FGF14: variants seen among roughly 807,000 people sequenced by gnomAD.
FGF14 encodes fibroblast growth factor 14.
FGF14 carries 5 observed loss-of-function variants against 25.5 expected under a neutral mutation model. The ratio of observed to expected loss-of-function variants is 0.20; its 90% confidence interval spans 0.10 to 0.41. The LOEUF is 0.41. Among genes scored for constraint, FGF14 ranks in the 10% least tolerant of loss-of-function variants. FGF14 has a pLI of 1.00. For missense variants in FGF14, 222 were observed against 320.1 expected (o/e 0.69, Z 2.34); for synonymous variants, 138 against 118.3 (o/e 1.17, Z -1.08).
chr13:102,255,704 A>G (rs2052404388), intron 1 of FGF14, among the ~76,000 whole-genome samples: 1 of 152,222 alleles, frequency 6.6e-6, no homozygotes, highest in South Asian at 2.1e-4. Context: ...AGATGAAGAA[A>G]AACAGCCTTT....
At chr13:102,051,081 A>G (rs1197490883) in intron 1 of FGF14, among the ~76,000 whole-genome samples, 2 of 152,206 alleles carry the variant, frequency 1.3e-5, no homozygotes, top group Admixed American at 6.5e-5. Flanking sequence ...AAGTGCCCAC[A>G]TTACAGGCCC....
At chr13:102,103,521 C>T (rs1323599014) in intron 1 of FGF14, among the ~76,000 whole-genome samples, 1 of 151,718 alleles carries the variant, frequency 6.6e-6, no homozygotes, top group African/African-American at 2.4e-5. Context: ...AATTATATTC[C>T]TATTCTTTTC....
chr13:101,979,994 G>T (rs1251535670), intron 1 of FGF14, among the ~76,000 whole-genome samples: 1 of 152,168 alleles, frequency 6.6e-6, no homozygotes, highest in Non-Finnish European at 1.5e-5. Context: ...CCCACTCTCA[G>T]CAGTGAGGCA....
At chr13:102,250,046 A>T (rs1394611594) in intron 1 of FGF14, among the ~76,000 whole-genome samples, 1 of 152,190 alleles carries the variant, frequency 6.6e-6, no homozygotes, top group Non-Finnish European at 1.5e-5. Flanking sequence ...GACCACCCCC[A>T]GGGTAAAAAG....
At chr13:102,379,564 C>T (rs2058131644) in intron 1 of FGF14, among the ~76,000 whole-genome samples, 3 of 151,312 alleles carry the variant, frequency 2.0e-5, no homozygotes, top group South Asian at 2.1e-4. Context: ...ATCCAATATG[C>T]AAAGAGAGAA....
chr13:101,949,304 C>A (rs2036009187), intron 1 of FGF14, among the ~76,000 whole-genome samples: 1 of 152,142 alleles, frequency 6.6e-6, no homozygotes, highest in Admixed American at 6.5e-5. Context: ...CTAATGCGAT[C>A]ACTGCCCAGT....
chr13:101,744,857 T>C (rs1268549012), intron 3 of FGF14, among the ~76,000 whole-genome samples: 1 of 152,078 alleles, frequency 6.6e-6, no homozygotes, highest in Non-Finnish European at 1.5e-5. Context: ...TGCTAGACTC[T>C]CTTCTAGGTG....
chr13:101,772,153 A>G (rs2038817907), intron 3 of FGF14, among the ~76,000 whole-genome samples: 1 of 152,054 alleles, frequency 6.6e-6, no homozygotes, highest in Admixed American at 6.6e-5. Context: ...ACATTATGTG[A>G]CAATGAAGCA....
chr13:102,183,333 A>C (rs552921409), intron 1 of FGF14, among the ~76,000 whole-genome samples: 1 of 152,294 alleles, frequency 6.6e-6, no homozygotes, highest in African/African-American at 2.4e-5. Context: ...TCTTAATCAC[A>C]ACACTTGCAG....
intron 3 of FGF14, among the ~76,000 whole-genome samples, chr13:101,794,493 C>T (rs8000523): frequency 1.3e-5 from 2 of 151,982 alleles, no homozygotes; most frequent in Admixed American, 6.6e-5. Flanking sequence ...AGGGCCAAAT[C>T]GCAAGCATTT....
chr13:102,127,479 T>C (rs568009802), intron 1 of FGF14, among the ~76,000 whole-genome samples: 1 of 150,166 alleles, frequency 6.7e-6, no homozygotes, highest in African/African-American at 2.4e-5. Flanking sequence ...TCAAAGCCCA[T>C]GATGTTAACT....
At chr13:102,073,239 A>G (rs1227581968) in intron 1 of FGF14, among the ~76,000 whole-genome samples, 1 of 152,200 alleles carries the variant, frequency 6.6e-6, no homozygotes, top group East Asian at 1.9e-4. Flanking sequence ...GTGACAGAGC[A>G]AAGCTCCATC....
intron 1 of FGF14, among the ~76,000 whole-genome samples, chr13:102,157,020 A>C (rs1350258260): frequency 2.6e-5 from 4 of 152,214 alleles, no homozygotes; most frequent in Non-Finnish European, 5.9e-5. Context: ...ACACAAACAA[A>C]TGGAAGAACA....
At chr13:101,743,941 CAT>C (rs1049156712) in intron 3 of FGF14, among the ~76,000 whole-genome samples, 29 of 152,154 alleles carry the variant, frequency 1.9e-4, no homozygotes, top group African/African-American at 6.3e-4. Context: ...ATATACTGCA[CAT>C]GTTTTAGGAA....
chr13:102,269,948 G>A (rs146030480), intron 1 of FGF14, among the ~76,000 whole-genome samples: 7 of 152,248 alleles, frequency 4.6e-5, no homozygotes, highest in African/African-American at 9.6e-5. Flanking sequence ...ATCTCACCAC[G>A]CCCGAGTGGA....
intron 1 of FGF14, among the ~76,000 whole-genome samples, chr13:101,969,038 A>G (rs1169243137): frequency 1.3e-5 from 2 of 152,156 alleles, no homozygotes; most frequent in African/African-American, 4.8e-5. Context: ...AGAACTCACT[A>G]GTTGAAAGAA....
upstream of FGF14, among the ~76,000 whole-genome samples, chr13:101,918,108 G>A (rs2033712370): frequency 6.6e-6 from 1 of 151,762 alleles, no homozygotes; most frequent in South Asian, 2.1e-4. Flanking sequence ...CCTCCCCCTT[G>A]ATTTTCTGTC....
intron 1 of FGF14, among the ~76,000 whole-genome samples, chr13:102,313,816 A>C (rs1001702282): frequency 1.3e-5 from 2 of 152,218 alleles, no homozygotes; most frequent in South Asian, 4.1e-4. Context: ...CTTCTTCAAC[A>C]GTCCAAATGG....
chr13:101,903,474 C>T (rs1162624159), intron 1 of FGF14, among the ~76,000 whole-genome samples: 3 of 152,040 alleles, frequency 2.0e-5, no homozygotes, highest in Non-Finnish European at 4.4e-5. Context: ...ATAAAAGTGT[C>T]TGGAAGAATC....
Sources: gnomAD v4.1 joint callset for allele counts (sites outside exome capture counted in the v4.1 genomes callset) on GRCh38, gnomAD v4.1.1 for gene constraint, MANE v1.5 for transcripts, NCBI Gene and HGNC (gene_info 2026-07-23, HGNC 2026-07-21) for gene names.